Variants in SYT12 observed in about 807,000 individuals in gnomAD.
The protein encoded by SYT12 is synaptotagmin 12, also known as synaptotagmin-12.
SYT12 carries 27 observed loss-of-function variants against 39.5 expected under a neutral mutation model. The ratio of observed to expected loss-of-function variants is 0.68; its 90% CI spans 0.50 to 0.94. The LOEUF is 0.94. SYT12 is among the 40% of genes least tolerant of loss of function. The probability of loss-of-function intolerance (pLI) is 0.00; values close to 1 mark genes in which losing one functional copy is unlikely to be tolerated. For synonymous variants in SYT12, 233 were observed against 239.7 expected, an observed-to-expected ratio of 0.97 and a Z score of 0.26; for missense variants, 536 against 572.6, an observed-to-expected ratio of 0.94 and a Z score of 0.65.
intron 1 of SYT12, chr11:67,028,172 G>A (rs1950207438): frequency 6.6e-6 from 1 of 152,164 alleles, no homozygotes. Context: ...CCTACCTCAT[G>A]GGGCTGTTAG....
chr11:67,042,938 C>T (rs928616531), intron 4 of SYT12, among the ~76,000 whole-genome samples: 1 of 152,168 alleles, frequency 6.6e-6, no homozygotes, highest in Admixed American at 6.5e-5. Context: ...GGCAATCCCA[C>T]CAGGGGGTGC....
intron 3 of SYT12, among the ~76,000 whole-genome samples, chr11:67,011,923 G>T (rs891472252): frequency 6.6e-6 from 1 of 151,368 alleles, no homozygotes. Flanking sequence ...CCACCACCAC[G>T]TCCGGCTAAT....
intron 2 of SYT12, chr11:67,032,268 C>T (rs1164080636): frequency 2.0e-5 from 3 of 152,220 alleles, no homozygotes; most frequent in African/African-American, 7.2e-5. Context: ...AGTGACATTT[C>T]CTCCCAAGAC....
chr11:67,043,380 G>A (rs1950551136), intron 4 of SYT12, among the ~76,000 whole-genome samples: 1 of 152,216 alleles, frequency 6.6e-6, no homozygotes, highest in Non-Finnish European at 1.5e-5. Flanking sequence ...GGGTGCCACG[G>A]GCACTGAGGA....
chr11:67,014,514 C>T (rs1035596926), intron 3 of SYT12, among the ~76,000 whole-genome samples: 2 of 152,206 alleles, frequency 1.3e-5, no homozygotes, highest in East Asian at 1.9e-4. Context: ...GTTGGAGAAG[C>T]GGCTCCTGCC....
At chr11:67,034,326 T>G (rs1950320485) in intron 2 of SYT12, among the ~76,000 whole-genome samples, 1 of 152,154 alleles carries the variant, frequency 6.6e-6, no homozygotes, top group Non-Finnish European at 1.5e-5. Context: ...ATCCAAAATC[T>G]GAAATATTTT....
At chr11:67,034,268 T>C (rs919431335) in intron 2 of SYT12, among the ~76,000 whole-genome samples, 2 of 152,246 alleles carry the variant, frequency 1.3e-5, no homozygotes, top group African/African-American at 4.8e-5. Context: ...ATTTGCCTTT[T>C]CTGGATATTA....
At chr11:67,008,631 A>G (rs1021892706) in intron 1 of SYT12, among the ~76,000 whole-genome samples, 4 of 151,698 alleles carry the variant, frequency 2.6e-5, no homozygotes, top group Non-Finnish European at 5.9e-5. Context: ...GCTCACTGCA[A>G]CCTCCACCGC....
At chr11:67,018,097 A>G (rs1028516153) in intron 3 of SYT12, among the ~76,000 whole-genome samples, 1 of 151,930 alleles carries the variant, frequency 6.6e-6, no homozygotes, top group Non-Finnish European at 1.5e-5. Flanking sequence ...CCCCGTCTCT[A>G]CTAAAAAATA....
At chr11:67,030,059 G>C in intron 1 of SYT12, 63 bp from the exon 2 acceptor site, 2 of 1,542,998 alleles carry the variant, frequency 1.3e-6, no homozygotes, top group South Asian at 2.3e-5. Context: ...CAGGAGGCCA[G>C]GACCTAGGAG....
intron 3 of SYT12, among the ~76,000 whole-genome samples, chr11:67,013,840 C>A (rs1347791162): frequency 6.6e-6 from 1 of 152,230 alleles, no homozygotes; most frequent in Non-Finnish European, 1.5e-5. Flanking sequence ...GAAATTAATT[C>A]TCTCATAGTT....
In SYT12 at chr11:67,043,788, C is replaced by T; in HGVS notation, c.772C>T (p.Leu258Phe). ...CAGCACGGGGGTGGTGGAGCTGAAG[C>T]TTTCTGTGCTTGACCTCCCGCTGCA... ...NVSTGVVELK[L>F]SVLDLPLQPF... The change falls in exon 5 of 8, where the codon CTT becomes TTT. Residue 258 changes from leucine (L) to phenylalanine (F), a missense_variant. By Grantham distance (22) the Leu-to-Phe change is conservative. Transcript: ENST00000527043. 1 of 1,614,122 alleles carries T rather than the reference C, an allele frequency of 6.2e-7. No homozygotes were observed. Among genetic ancestry groups the T allele is most frequent in the South Asian group, 1.1e-5 (1 of 91,082 alleles).
Position 67,030,162 on chromosome 11 carries a change from A to G in SYT12, c.18A>G (p.Ala6=). The G allele has an allele frequency of 1.2e-6, 2 of 1,614,150 alleles. No homozygotes were observed. Among genetic ancestry groups the G allele is most frequent in the Non-Finnish European group, 8.5e-7 (1 of 1,180,034 alleles). The change falls in exon 2 of 8, where the codon GCA becomes GCG. Residue 6 remains alanine, a synonymous_variant. Coordinates refer to ENST00000527043, the MANE Select transcript of SYT12 (RefSeq NM_177963.4). The part of the protein sequence containing the change: MAVDV[A]EYHLSVIKSP... The stretch of plus-strand genomic sequence containing the variant: ...CAGACATCATGGCTGTGGATGTGGC[A>G]GAATACCATCTGAGCGGTGAGTGCC...
At position 67,045,820 on chromosome 11, in the gene SYT12, C is replaced by A. The variant is rs1204926197; in HGVS notation, c.1035C>A (p.Asp345Glu). The change falls in exon 7 of 8, where the codon GAC becomes GAA. Residue 345 changes from aspartate to glutamate, a missense_variant. Coordinates refer to ENST00000527043, the MANE Select transcript of SYT12 (RefSeq NM_177963.4). ...SKKKTAVKRD[D>E]PNPVFNEAMI... ...AGAAGACAGCCGTGAAGAGGGATGA[C>A]CCCAACCCGGTGTTCAACGAAGCCA... 2 of 1,613,882 alleles carry A rather than the reference C, an allele frequency of 1.2e-6. No homozygotes were observed. The highest frequency in any genetic ancestry group is 3.3e-5 in the Admixed American group (2 of 59,998).
chr11:67,035,839 T>TTCC (rs1950364849), intron 3 of SYT12, among the ~76,000 whole-genome samples: 5 of 101,518 alleles, frequency 4.9e-5, no homozygotes, highest in South Asian at 3.3e-4. Context: ...CCTTCCTTCC[T>TTCC]TTCTTTCTTT....
In SYT12 at chr11:67,028,642, A is replaced by G. The variant is rs1030902574; in HGVS notation, c.-23-1480A>G. The G allele has an allele frequency of 5.9e-5, 9 of 152,362 alleles. No individual in the cohort carries two copies. The East Asian group carries it at 1.7e-3, about 29-fold the overall frequency. 9.4% of individuals were successfully genotyped at this position (152,362 alleles called of 1,614,324 possible). ...TACCCTCTGATTCGACCCCAGTCCC[A>G]AAGGGAACCTACAGGATGCTCCGAG... On this transcript the variant is annotated intron_variant, in intron 1 of 7. Transcript: ENST00000527043.
rs1854707100 is a variant in SYT12 at position 67,050,165 on chromosome 11, C to T, written c.*1408C>T. 6.6e-6 allele frequency: 1 copy of T among 152,180 alleles called. No individual in the cohort carries two copies. Among genetic ancestry groups the T allele is most frequent in the African/African-American group, 2.4e-5 (1 of 41,418 alleles). 9.4% of individuals were successfully genotyped at this position (152,180 alleles called of 1,614,324 possible). A position where few individuals can be genotyped will look rare whatever the true frequency, so the allele number is the denominator to read the frequency against. On this transcript the variant is annotated 3_prime_UTR_variant, in exon 8 of 8. Transcript: ENST00000527043. Reference sequence around the variant, plus strand: ...GAGGGGCTGGGCTGTTGCACCTCTACTGGCATCAGTCTTTGGTTACCCCCC... The same window carrying T: ...GAGGGGCTGGGCTGTTGCACCTCTATTGGCATCAGTCTTTGGTTACCCCCC...
chr11:67,025,966 T>C (rs1767515264), intron 1 of SYT12, among the ~76,000 whole-genome samples: 1 of 152,110 alleles, frequency 6.6e-6, no homozygotes, highest in Non-Finnish European at 1.5e-5. Context: ...GGCAAGTCAC[T>C]TAACCTCTCT....
intron 2 of SYT12, 183 bp downstream of exon 2, chr11:67,030,361 G>A: frequency 1.7e-6 from 1 of 588,280 alleles, no homozygotes; most frequent in South Asian, 2.3e-5. Context: ...GCTTGGCCCA[G>A]TCTGAGGTCT....
Sources: gnomAD v4.1 joint callset for allele counts (sites outside exome capture counted in the v4.1 genomes callset) on GRCh38, gnomAD v4.1.1 for gene constraint, MANE v1.5 for transcripts, NCBI Gene and HGNC (gene_info 2026-07-23, HGNC 2026-07-21) for gene names.